The following RELN variants were observed in gnomAD, a reference collection of about 807,000 sequenced individuals.
RELN encodes reelin.
RELN carries 108 observed loss-of-function variants against 427.6 expected under a neutral mutation model. The observed-to-expected ratio is 0.25, with a 90% confidence interval of 0.22 to 0.30. The LOEUF is 0.30. RELN is among the 10% of genes least tolerant of loss of function. RELN has a pLI of 1.00. For synonymous variants in RELN, 1,524 were observed against 1,513.4 expected (o/e 1.01, Z -0.16); for missense variants, 3,715 against 4,302.8 (o/e 0.86, Z 3.82).
intron 2 of RELN, among the ~76,000 whole-genome samples, chr7:103,874,604 A>G (rs1794431784): frequency 6.9e-6 from 1 of 145,978 alleles, no homozygotes; most frequent in African/African-American, 2.4e-5. Flanking sequence ...ACTCCCATTC[A>G]CAATTGCTTC....
At chr7:103,809,939 T>G (rs567708898) in intron 3 of RELN, among the ~76,000 whole-genome samples, 34 of 152,312 alleles carry the variant, frequency 2.2e-4, no homozygotes, top group Admixed American at 1.9e-3. Context: ...AGACTCATAT[T>G]TTTTAACCCA....
intron 6 of RELN, among the ~76,000 whole-genome samples, chr7:103,741,169 C>T (rs1790644500): frequency 1.3e-5 from 2 of 152,118 alleles, no homozygotes; most frequent in Non-Finnish European, 2.9e-5. Flanking sequence ...AGAGTTAAAA[C>T]TGCTTATCAG....
intron 3 of RELN, among the ~76,000 whole-genome samples, chr7:103,781,246 CTATTTGAATG>C (rs1791881235): frequency 6.6e-6 from 1 of 152,070 alleles, no homozygotes; most frequent in Non-Finnish European, 1.5e-5. Context: ...TATGGCAAGC[CTATTTGAATG>C]TATTTAGAGC....
chr7:103,646,589 A>G (rs1832802570), intron 16 of RELN, among the ~76,000 whole-genome samples: 1 of 151,962 alleles, frequency 6.6e-6, no homozygotes, highest in Non-Finnish European at 1.5e-5. Flanking sequence ...AGAAATCCGG[A>G]AAAGAAAAAT....
chr7:103,827,680 C>T (rs2116391564), intron 3 of RELN, among the ~76,000 whole-genome samples: 1 of 152,036 alleles, frequency 6.6e-6, no homozygotes, highest in Admixed American at 6.6e-5. Flanking sequence ...ATCAGTTAGG[C>T]TCCTAGCTGT....
intron 64 of RELN, among the ~76,000 whole-genome samples, chr7:103,478,057 CA>C (rs1411161588): frequency 2.0e-5 from 3 of 152,124 alleles, no homozygotes; most frequent in Admixed American, 2.0e-4. Context: ...CAACTGTGAG[CA>C]CTTCAAGGGC....
At chr7:103,642,722 T>C (rs1288617053) in intron 16 of RELN, among the ~76,000 whole-genome samples, 2 of 152,140 alleles carry the variant, frequency 1.3e-5, no homozygotes, top group Admixed American at 6.6e-5. Context: ...AATTTTCTCA[T>C]ATACTTTTTC....
At chr7:103,802,374 T>G (rs1342284596) in intron 3 of RELN, among the ~76,000 whole-genome samples, 1 of 152,196 alleles carries the variant, frequency 6.6e-6, no homozygotes, top group Non-Finnish European at 1.5e-5. Context: ...TGTATGTTAC[T>G]GAAAAGGTGT....
rs5886262 is a variant in RELN, at chr7:103,650,084, C to CT, written c.2002+189dup. Among the ~76,000 whole-genome samples, 148 of 144,486 alleles carry CT rather than the reference C, an allele frequency of 1.0e-3. 2 individuals carry two copies. Among genetic ancestry groups the CT allele is most frequent in the South Asian group, 4.5e-3 (21 of 4,656 alleles). The allele number at this position is 144,486 out of a possible 152,430, so 94.8% of individuals were successfully genotyped here. ...CATCTAATACTGCTGACTTCACTGG[C>CT]TTTTTTTTTTTTTTTCCTGATTGCA... On this transcript the variant is annotated intron_variant, in intron 16 of 64. Coordinates refer to ENST00000428762, the MANE Select transcript of RELN (RefSeq NM_005045.4).
intron 2 of RELN, among the ~76,000 whole-genome samples, chr7:103,899,062 A>C (rs1397695242): frequency 1.3e-5 from 2 of 152,124 alleles, no homozygotes; most frequent in African/African-American, 2.4e-5. Flanking sequence ...AATAAAGAAG[A>C]AAAGAGAGAA....
At chr7:103,605,290 C>A (rs979463270) in intron 22 of RELN, among the ~76,000 whole-genome samples, 1 of 152,114 alleles carries the variant, frequency 6.6e-6, no homozygotes, top group Non-Finnish European at 1.5e-5. Context: ...GGACATACCA[C>A]AATGTACTAT....
chr7:103,693,777 T>C (rs761740493), intron 10 of RELN, among the ~76,000 whole-genome samples: 29 of 152,142 alleles, frequency 1.9e-4, no homozygotes, highest in Non-Finnish European at 3.8e-4. Context: ...CTTTGGATGA[T>C]CCTTGGTTCC....
chr7:103,604,793 TAAAAAATA>T (rs1831775521), intron 22 of RELN, among the ~76,000 whole-genome samples: 1 of 150,716 alleles, frequency 6.6e-6, no homozygotes, highest in African/African-American at 2.4e-5. Flanking sequence ...GAAAGAACAT[TAAAAAATA>T]AAGACATCTA....
At chr7:103,628,723 GAATTA>G (rs1832384335) in intron 20 of RELN, among the ~76,000 whole-genome samples, 1 of 152,232 alleles carries the variant, frequency 6.6e-6, no homozygotes, top group African/African-American at 2.4e-5. Flanking sequence ...TCATCTGAAG[GAATTA>G]AATTGGTCTG....
chr7:103,738,356 A>T (rs942653452), intron 6 of RELN, among the ~76,000 whole-genome samples: 1 of 151,990 alleles, frequency 6.6e-6, no homozygotes, highest in Non-Finnish European at 1.5e-5. Flanking sequence ...GTCTCAAGTT[A>T]TGAACCAGAA....
chr7:103,672,478 A>G (rs1053715646), intron 11 of RELN, among the ~76,000 whole-genome samples: 4 of 152,206 alleles, frequency 2.6e-5, no homozygotes, highest in African/African-American at 9.6e-5. Context: ...TTATTTTTAA[A>G]TTATAAAAAC....
chr7:103,492,073 C>T, intron 57 of RELN, 47 bp from the exon 58 acceptor site: 1 of 1,399,470 alleles, frequency 7.1e-7, no homozygotes, highest in South Asian at 1.2e-5. Flanking sequence ...TTAGATGATA[C>T]TGAATTCCAT....
chr7:103,718,692 C>A (rs574486034), intron 8 of RELN, among the ~76,000 whole-genome samples: 23 of 152,210 alleles, frequency 1.5e-4, no homozygotes, highest in Admixed American at 1.5e-3. Flanking sequence ...ACTTGTCACT[C>A]AGGGAAGCAA....
chr7:103,617,566 A>ATG lies in RELN; in HGVS notation c.2703-5765_2703-5764dup, dbSNP rs112297534. ...TATATGTGTAGATATATGTATATAT[A>ATG]TGTGTGTATATATATTCCTTTCATA... On this transcript the variant is annotated intron_variant, in intron 20 of 64. Transcript: ENST00000428762. Among the ~76,000 whole-genome samples the ATG allele has an allele frequency of 2.0e-5, 3 of 151,648 alleles. 1 individual carries two copies. The highest frequency in any genetic ancestry group is 7.3e-5 in the African/African-American group (3 of 41,376).
Sources: allele counts gnomAD v4.1 joint callset (sites outside exome capture counted in the v4.1 genomes callset), GRCh38; gene constraint gnomAD v4.1.1; transcripts MANE v1.5; gene names NCBI Gene and HGNC (gene_info 2026-07-23, HGNC 2026-07-21).